CBR4: variants seen among roughly 807,000 people sequenced by gnomAD.
CBR4 encodes 3-oxoacyl-[acyl-carrier-protein] reductase.
In CBR4, 22 loss-of-function variants were observed where a neutral mutation model predicts 21.0. That is an observed-to-expected ratio of 1.05 (90% CI 0.75 to 1.50). The LOEUF (loss-of-function observed/expected upper bound fraction) is 1.50, where lower values mean the gene tolerates loss of function less well. CBR4 is among the 40% of genes most tolerant of loss of function. The pLI is 0.00. For missense variants in CBR4, 302 were observed against 286.3 expected (o/e 1.05, Z -0.40); for synonymous variants, 100 against 104.4 (o/e 0.96, Z 0.26).
intron 2 of CBR4, among the ~76,000 whole-genome samples, chr4:168,899,675 G>A (rs904980096): frequency 6.6e-6 from 1 of 152,158 alleles, no homozygotes; most frequent in African/African-American, 2.4e-5. Flanking sequence ...CCAGCATTTT[G>A]CGAGGCCGAG....
At chr4:168,928,201 T>TATC (rs1243416653) in intron 2 of CBR4, 1 of 186,324 alleles carries the variant, frequency 5.4e-6, no homozygotes, top group Non-Finnish European at 1.1e-5. Flanking sequence ...CTCATGGACC[T>TATC]ATCTCTATTG....
chr4:168,982,730 C>T (rs1029154315), downstream of CBR4, among the ~76,000 whole-genome samples: 1 of 152,148 alleles, frequency 6.6e-6, no homozygotes, highest in Non-Finnish European at 1.5e-5. Flanking sequence ...TCTCATACCA[C>T]AGCACAGTAA....
chr4:168,990,380 C>A, intron 4 of CBR4, 52 bp from the exon 5 acceptor site: 1 of 1,340,238 alleles, frequency 7.5e-7, no homozygotes, highest in Non-Finnish European at 9.8e-7. Context: ...AAGACATCTG[C>A]TGAATTTCAA....
intron 4 of CBR4, 134 bp downstream of exon 4, chr4:169,001,937 G>A (rs1579018323): frequency 2.2e-6 from 2 of 918,890 alleles, no homozygotes; most frequent in Non-Finnish European, 3.0e-6. Context: ...GAGTCCCCCA[G>A]TTCATTATTT....
chr4:168,989,707 A>G lies in CBR4; in HGVS notation c.*443T>C. 1.0e-6 allele frequency: 1 copy of G among 981,638 alleles called. No homozygotes were observed. The highest frequency in any genetic ancestry group is 1.2e-6 in the Non-Finnish European group (1 of 826,404). 60.8% of individuals were successfully genotyped at this position (981,638 alleles called of 1,614,324 possible). A position where few individuals can be genotyped will look rare whatever the true frequency, so the allele number is the denominator to read the frequency against. On this transcript the variant is annotated 3_prime_UTR_variant, in exon 5 of 5. Transcript: ENST00000306193. Reference sequence around the variant, plus strand: ...AATATAATTTTTCCACTTTTGAGACAAAATATATAAATCAATACTTGTTTA... The same window carrying G: ...AATATAATTTTTCCACTTTTGAGACGAAATATATAAATCAATACTTGTTTA...
At chr4:168,920,223 A>G (rs1001476232) in intron 2 of CBR4, among the ~76,000 whole-genome samples, 2 of 152,218 alleles carry the variant, frequency 1.3e-5, no homozygotes, top group African/African-American at 4.8e-5. Flanking sequence ...AGGAGAACAC[A>G]GAGCCTGAGT....
At chr4:168,985,341 T>C (rs1764655077), downstream of CBR4, among the ~76,000 whole-genome samples, 1 of 152,078 alleles carries the variant, frequency 6.6e-6, no homozygotes, top group African/African-American at 2.4e-5. Context: ...CAACATGAGA[T>C]ACCATCTCAC....
intron 2 of CBR4, among the ~76,000 whole-genome samples, chr4:168,900,209 C>T (rs145589670): frequency 0.011 from 1,726 of 152,250 alleles, 48 homozygotes; most frequent in African/African-American, 0.039. Context: ...CCCATGATCC[C>T]GTCACCTCCC....
At chr4:168,932,487 G>T (rs1369838287) in intron 2 of CBR4, among the ~76,000 whole-genome samples, 1 of 151,966 alleles carries the variant, frequency 6.6e-6, no homozygotes, top group African/African-American at 2.4e-5. Flanking sequence ...GAGAAGAGAA[G>T]GAAAAAGGTA....
At chr4:168,945,482 CA>C (rs1404987810) in intron 2 of CBR4, among the ~76,000 whole-genome samples, 1 of 152,164 alleles carries the variant, frequency 6.6e-6, no homozygotes, top group Admixed American at 6.6e-5. Context: ...AGATTATCTT[CA>C]GGGGGCCTTA....
intron 2 of CBR4, among the ~76,000 whole-genome samples, chr4:168,899,083 C>A (rs1258592150): frequency 6.6e-6 from 1 of 152,160 alleles, no homozygotes. Context: ...ACCCAGTGCT[C>A]TGTACCATAC....
At chr4:169,008,524 A>G (rs1025837750) in intron 1 of CBR4, among the ~76,000 whole-genome samples, 7 of 152,170 alleles carry the variant, frequency 4.6e-5, no homozygotes, top group African/African-American at 1.7e-4. Flanking sequence ...GCTTACACCA[A>G]CACTACCCCA....
intron 2 of CBR4, among the ~76,000 whole-genome samples, chr4:168,902,621 C>T (rs1030836515): frequency 3.3e-5 from 5 of 152,076 alleles, no homozygotes; most frequent in Non-Finnish European, 7.4e-5. Flanking sequence ...TGCACTCCAG[C>T]CTGGGCAACG....
intron 2 of CBR4, among the ~76,000 whole-genome samples, chr4:168,980,306 G>A (rs978905318): frequency 6.6e-6 from 1 of 152,086 alleles, no homozygotes; most frequent in South Asian, 2.1e-4. Context: ...ACTGCAAATG[G>A]AAGGAAATAC....
chr4:168,985,084 A>T (rs1764647052), downstream of CBR4, among the ~76,000 whole-genome samples: 1 of 152,230 alleles, frequency 6.6e-6, no homozygotes, highest in African/African-American at 2.4e-5. Context: ...TGCATAGCAA[A>T]AGAAACTATC....
intron 3 of CBR4, chr4:169,005,782 T>G (rs1730863338): frequency 1.3e-6 from 1 of 795,278 alleles, no homozygotes; most frequent in South Asian, 1.5e-5. Flanking sequence ...CCCCTTAGTT[T>G]ATTAGCATAG....
intron 2 of CBR4, among the ~76,000 whole-genome samples, chr4:168,910,885 G>A (rs892311213): frequency 2.6e-5 from 4 of 152,138 alleles, no homozygotes; most frequent in Non-Finnish European, 5.9e-5. Context: ...AATTTTAGAA[G>A]GAGGTAAGCA....
chr4:168,923,558 G>A (rs998878509), intron 2 of CBR4, among the ~76,000 whole-genome samples: 4 of 150,484 alleles, frequency 2.7e-5, no homozygotes, highest in Non-Finnish European at 5.9e-5. Flanking sequence ...AATCAGTCCT[G>A]AATTTTTCAG....
intron 2 of CBR4, among the ~76,000 whole-genome samples, chr4:168,930,520 A>AT (rs1375657856): frequency 2.0e-5 from 3 of 152,354 alleles, no homozygotes; most frequent in Admixed American, 6.5e-5. Context: ...GGGAAGTTAC[A>AT]TAAGAGTGAT....
Sources: gnomAD v4.1 joint callset for allele counts (sites outside exome capture counted in the v4.1 genomes callset) on GRCh38, gnomAD v4.1.1 for gene constraint, MANE v1.5 for transcripts, NCBI Gene and HGNC (gene_info 2026-07-23, HGNC 2026-07-21) for gene names.